RBFOX1: variants seen among roughly 807,000 people sequenced by gnomAD.
RBFOX1 encodes RNA binding protein fox-1 homolog 1.
In RBFOX1, 8 loss-of-function variants were observed where a neutral mutation model predicts 57.7. The ratio of observed to expected loss-of-function variants is 0.14; its 90% CI spans 0.08 to 0.25. The LOEUF (loss-of-function observed/expected upper bound fraction) is 0.25. Among genes scored for constraint, RBFOX1 ranks in the 10% least tolerant of loss-of-function variants. RBFOX1 has a pLI of 1.00. For missense variants in RBFOX1, 611 were observed against 548.5 expected, an observed-to-expected ratio of 1.11 and a Z score of -1.14; for synonymous variants, 326 against 222.4, an observed-to-expected ratio of 1.47 and a Z score of -4.15.
intron 1 of RBFOX1, among the ~76,000 whole-genome samples, chr16:5,272,743 C>T (rs1479763400): frequency 6.6e-6 from 1 of 152,134 alleles, no homozygotes; most frequent in African/African-American, 2.4e-5. Flanking sequence ...CTTTGAGGTC[C>T]CCCTTCCCTT....
At chr16:6,551,444 C>G (rs376885138) in intron 2 of RBFOX1, among the ~76,000 whole-genome samples, 1 of 152,100 alleles carries the variant, frequency 6.6e-6, no homozygotes, top group Non-Finnish European at 1.5e-5. Context: ...ACTAAAGGAT[C>G]GTATAATTTT....
At chr16:7,096,454 G>C (rs904382916) in intron 4 of RBFOX1, among the ~76,000 whole-genome samples, 9 of 152,178 alleles carry the variant, frequency 5.9e-5, no homozygotes, top group Non-Finnish European at 8.8e-5. Flanking sequence ...ACTGTTAACA[G>C]CAGCCCTGGT....
intron 3 of RBFOX1, among the ~76,000 whole-genome samples, chr16:6,896,032 G>C (rs2066826086): frequency 6.6e-6 from 1 of 152,098 alleles, no homozygotes; most frequent in African/African-American, 2.4e-5. Flanking sequence ...CATTGGGTTG[G>C]GAGGCCGAGG....
At chr16:6,612,464 G>A (rs748457868) in intron 2 of RBFOX1, among the ~76,000 whole-genome samples, 3 of 152,138 alleles carry the variant, frequency 2.0e-5, no homozygotes, top group East Asian at 1.9e-4. Context: ...TAAGTTTCAC[G>A]TGTACTTACA....
intron 2 of RBFOX1, among the ~76,000 whole-genome samples, chr16:6,449,166 G>T (rs1294860940): frequency 6.6e-6 from 1 of 152,180 alleles, no homozygotes; most frequent in Non-Finnish European, 1.5e-5. Context: ...GAGGAATGGA[G>T]ACTTTGGAAC....
intron 3 of RBFOX1, among the ~76,000 whole-genome samples, chr16:6,778,820 C>G (rs1470856469): frequency 2.0e-5 from 3 of 151,712 alleles, no homozygotes; most frequent in Non-Finnish European, 2.9e-5. Context: ...CCAATAAAAC[C>G]TATCAAAACA....
chr16:5,786,240 C>T (rs1481835870), intron 3 of RBFOX1, among the ~76,000 whole-genome samples: 1 of 152,186 alleles, frequency 6.6e-6, no homozygotes, highest in East Asian at 1.9e-4. Context: ...TTCTCTACTC[C>T]TTCCTCTCTT....
chr16:5,987,321 C>G (rs1039325001), intron 4 of RBFOX1, among the ~76,000 whole-genome samples: 1 of 152,056 alleles, frequency 6.6e-6, no homozygotes, highest in Non-Finnish European at 1.5e-5. Flanking sequence ...AATATTTTCC[C>G]CCAGCTGTAG....
intron 3 of RBFOX1, among the ~76,000 whole-genome samples, chr16:5,777,176 C>G (rs1418698965): frequency 6.6e-6 from 1 of 152,178 alleles, no homozygotes; most frequent in Non-Finnish European, 1.5e-5. Flanking sequence ...GGTTGTTTTC[C>G]TCCTGGAGGC....
chr16:6,695,413 C>CAAAAAAAAAA (rs71145278), intron 3 of RBFOX1, among the ~76,000 whole-genome samples: 1 of 109,106 alleles, frequency 9.2e-6, no homozygotes, highest in African/African-American at 3.9e-5. Context: ...GAAACTCTGT[C>CAAAAAAAAAA]AAAAAAAAAA....
chr16:6,658,927 G>T (rs12935789), intron 3 of RBFOX1, among the ~76,000 whole-genome samples: 77,710 of 124,728 alleles, frequency 0.62, 20,717 homozygotes, highest in Admixed American at 0.68. Flanking sequence ...TTTGTTTTTT[G>T]GTTTTTTTGT....
downstream of RBFOX1, among the ~76,000 whole-genome samples, chr16:5,604,788 A>T (rs1027050528): frequency 6.6e-6 from 1 of 152,074 alleles, no homozygotes; most frequent in African/African-American, 2.4e-5. Flanking sequence ...AAAGGGGCTC[A>T]TGGGCCCCCC....
intron 3 of RBFOX1, among the ~76,000 whole-genome samples, chr16:5,779,850 G>T (rs1186406746): frequency 6.6e-6 from 1 of 152,092 alleles, no homozygotes; most frequent in Non-Finnish European, 1.5e-5. Context: ...GTGACTTTGG[G>T]TTACCTTTAT....
chr16:6,201,606 A>G (rs1300377787), intron 1 of RBFOX1, among the ~76,000 whole-genome samples: 1 of 152,192 alleles, frequency 6.6e-6, no homozygotes, highest in Non-Finnish European at 1.5e-5. Flanking sequence ...GTTTGGTGTC[A>G]TAATAGGGTG....
intron 1 of RBFOX1, among the ~76,000 whole-genome samples, chr16:5,339,339 G>A (rs2064976861): frequency 6.6e-6 from 1 of 152,040 alleles, no homozygotes; most frequent in African/African-American, 2.4e-5. Flanking sequence ...ATTTAAACTA[G>A]TTCAGTGGGT....
chr16:7,537,623 A>G (rs533358241), intron 5 of RBFOX1, among the ~76,000 whole-genome samples: 4 of 152,310 alleles, frequency 2.6e-5, no homozygotes, highest in Non-Finnish European at 4.4e-5. Flanking sequence ...ACCTGGTTCT[A>G]TGAGATGCAT....
At chr16:6,870,139 C>T (rs2060617091) in intron 3 of RBFOX1, among the ~76,000 whole-genome samples, 1 of 152,064 alleles carries the variant, frequency 6.6e-6, no homozygotes, top group African/African-American at 2.4e-5. Context: ...CTTGGACCAC[C>T]TAGTTTTCAC....
intron 1 of RBFOX1, among the ~76,000 whole-genome samples, chr16:6,261,141 C>G (rs2097699197): frequency 6.6e-6 from 1 of 152,172 alleles, no homozygotes; most frequent in African/African-American, 2.4e-5. Context: ...AAATTACAGT[C>G]ACTTTCTGCC....
chr16:7,386,423 C>T (rs1379147286), intron 4 of RBFOX1, among the ~76,000 whole-genome samples: 1 of 151,410 alleles, frequency 6.6e-6, no homozygotes, highest in Non-Finnish European at 1.5e-5. Flanking sequence ...TGTTCCCCTC[C>T]CTGTGTCCAT....
Sources: allele counts gnomAD v4.1 joint callset (sites outside exome capture counted in the v4.1 genomes callset), GRCh38; gene constraint gnomAD v4.1.1; transcripts MANE v1.5; gene names NCBI Gene and HGNC (gene_info 2026-07-23, HGNC 2026-07-21).